The following RNPS1 variants were observed in gnomAD, a reference collection of about 807,000 sequenced individuals.
RNPS1 encodes RNA binding protein with serine rich domain 1.
For synonymous variants in RNPS1, 147 were observed against 150.0 expected, an observed-to-expected ratio of 0.98 and a Z score of 0.15; for missense variants, 300 against 427.6, an observed-to-expected ratio of 0.70 and a Z score of 2.63.
Position 2,263,293 on chromosome 16 carries a change from G to A in RNPS1, c.228-6C>T. ...AAGTCGAGCTGGACCGAGACCTGAG[G>A]GCAAGATGAGGGGTCACAACCACCA... is the stretch of plus-strand genomic sequence containing the variant. On this transcript the variant is annotated splice_polypyrimidine_tract_variant and splice_region_variant and intron_variant, in intron 3 of 7. Transcript: ENST00000320225. The A allele has an allele frequency of 1.2e-6, 2 of 1,613,874 alleles. No homozygotes were observed. The highest frequency in any genetic ancestry group is 8.5e-7 in the Non-Finnish European group (1 of 1,179,934).
rs11556071 is a variant in RNPS1 at position 2,253,811 on chromosome 16, G to C, written c.*153C>G. ...CCAAACCAACAGCACTTCTGCAGCC[G>C]GGGCCCGGCTGGCAGAGGGGTGCTG... is the stretch of plus-strand genomic sequence containing the variant. On this transcript the variant is annotated 3_prime_UTR_variant, in exon 8 of 8. Coordinates refer to ENST00000320225, the MANE Select transcript of RNPS1 (RefSeq NM_080594.4). The C allele has an allele frequency of 1.6e-5, 12 of 740,626 alleles. No homozygotes were observed. The highest frequency in any genetic ancestry group is 1.4e-4 in the Admixed American group (7 of 49,780). 45.9% of individuals were successfully genotyped at this position (740,626 alleles called of 1,614,324 possible).
intron 7 of RNPS1, among the ~76,000 whole-genome samples, chr16:2,254,283 G>A (rs1241191326): frequency 2.0e-5 from 3 of 150,320 alleles, no homozygotes; most frequent in South Asian, 2.1e-4. Flanking sequence ...CTACAGGCGC[G>A]CGCCACCACG....
Position 2,264,575 on chromosome 16 carries a change from A to G in RNPS1, c.69T>C (p.Thr23=). 3 of 1,613,232 alleles carry G rather than the reference A, an allele frequency of 1.9e-6. No individual in the cohort carries two copies. Among genetic ancestry groups the G allele is most frequent in the Non-Finnish European group, 2.5e-6 (3 of 1,179,582 alleles). Reference sequence around the variant, plus strand: ...GAAAAATCTTACAGAAGGATTACCTAGTGCTGGACTTTTTATTATTTTCTT... The same window carrying G: ...GAAAAATCTTACAGAAGGATTACCTGGTGCTGGACTTTTTATTATTTTCTT... ...GVKENNKKSS[T]RAPSPTKRKD... is the part of the protein sequence containing the mutation. The change falls in exon 2 of 8, where the codon ACT becomes ACC. Residue 23 remains threonine, a splice_region_variant and synonymous_variant. Coordinates refer to ENST00000320225, the MANE Select transcript of RNPS1 (RefSeq NM_080594.4).
chr16:2,263,167 G>A lies in RNPS1; in HGVS notation c.348C>T (p.Ser116=), dbSNP rs538961284. 373 of 1,613,920 alleles carry A rather than the reference G, an allele frequency of 2.3e-4. 3 individuals are homozygous for A. In the South Asian group the frequency reaches 3.9e-3, roughly 17 times the overall value. The change falls in exon 4 of 8, where the codon AGC becomes AGT. Residue 116 remains serine (S), a synonymous_variant. Transcript: ENST00000320225. ...SGSSSTSRSS[S]SSSSSGSPSP... is the part of the protein sequence containing the mutation. ...TTGGAGAGCCAGAAGAGCTGCTAGA[G>A]CTGGAGCTGCGGGAGGTGCTGGAGC...
In RNPS1 at chr16:2,267,247, G is replaced by C. The variant is rs1001600767; in HGVS notation, c.-118+808C>G. The C allele has an allele frequency of 4.1e-6, 4 of 985,338 alleles. No individual in the cohort carries two copies. In the African/African-American group the frequency reaches 7.0e-5, roughly 17 times the overall value. The allele number at this position is 985,338 out of a possible 1,614,324, so 61.0% of individuals were successfully genotyped here. ...CGGAAAGGTGCGCGTCCAACAGCCA[G>C]AGAGAGGAGAGAACAATTAGTTAAA... is the stretch of plus-strand genomic sequence containing the variant. On this transcript the variant is annotated intron_variant, in intron 1 of 7. Coordinates refer to ENST00000320225, the MANE Select transcript of RNPS1 (RefSeq NM_080594.4).
chr16:2,263,129 C>A lies in RNPS1; in HGVS notation c.386G>T (p.Arg129Leu). 1 of 1,613,206 alleles carries A rather than the reference C, an allele frequency of 6.2e-7. No homozygotes were observed. Among genetic ancestry groups the A allele is most frequent in the South Asian group, 1.1e-5 (1 of 91,052 alleles). Residue 129 changes from arginine to leucine, a missense_variant, in exon 4 of 8, where the codon CGC becomes CTC. Arg to Leu is a moderately radical substitution (Grantham distance 102, BLOSUM62 -2). Transcript: ENST00000320225. ...GGAGCGCCTCCTGTTGTCGTGTCTGCGCCGAGAAGGACTTGGAGAGCCAGA... is the reference window on the plus strand; with the variant it reads ...GGAGCGCCTCCTGTTGTCGTGTCTGAGCCGAGAAGGACTTGGAGAGCCAGA... Reference protein sequence around the residue: ...SSSGSPSPSRRRHDNRRRSRS... With the variant: ...SSSGSPSPSRLRHDNRRRSRS...
At chr16:2,255,447 GA>G in intron 7 of RNPS1, 137 bp downstream of exon 7, 1 of 997,494 alleles carries the variant, frequency 1.0e-6, no homozygotes, top group Non-Finnish European at 1.5e-6. Flanking sequence ...CTCTCTCCAT[GA>G]GCTCTGAAGG....
chr16:2,263,022 C>A, intron 4 of RNPS1, 74 bp downstream of exon 4: 1 of 1,486,580 alleles, frequency 6.7e-7, no homozygotes, highest in African/African-American at 1.4e-5. Flanking sequence ...CCTTTTGGGT[C>A]CCTTTTATAA....
chr16:2,256,048 C>A (rs146330586), intron 6 of RNPS1: 8 of 307,658 alleles, frequency 2.6e-5, no homozygotes, highest in African/African-American at 1.8e-4. Context: ...TGGCGTGAAC[C>A]CGGGAGGCAG....
At chr16:2,255,003 A>G (rs913269713) in intron 7 of RNPS1, among the ~76,000 whole-genome samples, 2 of 152,030 alleles carry the variant, frequency 1.3e-5, no homozygotes, top group Admixed American at 6.5e-5. Flanking sequence ...CAGCCTCCCA[A>G]AGTGATTACA....
At chr16:2,264,434 A>C in intron 2 of RNPS1, 103 bp from the exon 3 acceptor site, 1 of 1,562,332 alleles carries the variant, frequency 6.4e-7, no homozygotes, top group Non-Finnish European at 8.8e-7. Context: ...CAGAGACCCG[A>C]GGTGACCACA....
At chr16:2,266,932 T>A (rs931615778) in intron 1 of RNPS1, 12 of 209,298 alleles carry the variant, frequency 5.7e-5, no homozygotes, top group African/African-American at 2.8e-4. Context: ...GTATTTCACA[T>A]GCTTAGCAGC....
chr16:2,265,424 G>T (rs1383305996), intron 1 of RNPS1: 1 of 152,006 alleles, frequency 6.6e-6, no homozygotes, highest in Admixed American at 6.6e-5. Context: ...AGATTGATGG[G>T]TGGCTAGATA....
At chr16:2,265,440 T>C (rs2093621235) in intron 1 of RNPS1, 1 of 151,890 alleles carries the variant, frequency 6.6e-6, no homozygotes, top group Non-Finnish European at 1.5e-5. Context: ...AGATACACCA[T>C]ACAGCAAATA....
chr16:2,255,257 A>G (rs1296340512), intron 7 of RNPS1, among the ~76,000 whole-genome samples: 1 of 151,850 alleles, frequency 6.6e-6, no homozygotes, highest in Admixed American at 6.6e-5. Flanking sequence ...CTGACCCCCA[A>G]CTTCTCCCTC....
At chr16:2,262,558 G>T in intron 5 of RNPS1, 127 bp from the exon 6 acceptor site, 2 of 1,089,930 alleles carry the variant, frequency 1.8e-6, no homozygotes, top group Non-Finnish European at 2.7e-6. Context: ...TACCAGTGTT[G>T]TTCTGGGATA....
At chr16:2,254,159 T>C in intron 7 of RNPS1, 96 bp from the exon 8 acceptor site, 1 of 888,774 alleles carries the variant, frequency 1.1e-6, no homozygotes, top group Non-Finnish European at 1.6e-6. Context: ...CTTTTTGAGA[T>C]GGAATATCAC....
chr16:2,262,112 C>T (rs1231631801), intron 6 of RNPS1, 166 bp downstream of exon 6: 4 of 569,318 alleles, frequency 7.0e-6, no homozygotes, highest in Non-Finnish European at 8.9e-6. Context: ...GAAATAGCAG[C>T]CCAAACCTCA....
chr16:2,262,617 T>G (rs1465278708), intron 5 of RNPS1, 123 bp downstream of exon 5: 1 of 994,054 alleles, frequency 1.0e-6, no homozygotes, highest in Admixed American at 2.2e-5. Context: ...AACGAATCAA[T>G]GCTGTACTCA....
Sources: gnomAD v4.1 joint callset for allele counts (sites outside exome capture counted in the v4.1 genomes callset) on GRCh38, gnomAD v4.1.1 for gene constraint, MANE v1.5 for transcripts, NCBI Gene and HGNC (gene_info 2026-07-23, HGNC 2026-07-21) for gene names.